The following STOX2 variants were observed in gnomAD, a reference collection of about 807,000 sequenced individuals.
The protein encoded by STOX2 is storkhead-box protein 2.
In STOX2, 28 loss-of-function variants were observed where a neutral mutation model predicts 60.9. The observed-to-expected ratio is 0.46, with a 90% CI of 0.34 to 0.63. The LOEUF is 0.63. STOX2 is among the 30% of genes least tolerant of loss of function. The pLI is 0.01. For synonymous variants in STOX2, 472 were observed against 463.9 expected (o/e 1.02, Z -0.22); for missense variants, 1,024 against 1,187.7 (o/e 0.86, Z 2.03).
chr4:183,920,672 C>A (rs757411699), intron 1 of STOX2, among the ~76,000 whole-genome samples: 4 of 152,150 alleles, frequency 2.6e-5, no homozygotes, highest in Non-Finnish European at 4.4e-5. Flanking sequence ...TGGTAAGGGG[C>A]AGGCTGGGGG....
chr4:183,908,717 C>T (rs891321724), intron 1 of STOX2, among the ~76,000 whole-genome samples: 1 of 151,336 alleles, frequency 6.6e-6, no homozygotes, highest in African/African-American at 2.4e-5. Context: ...GAGGAAGAAG[C>T]TTTTAATTGT....
intron 1 of STOX2, among the ~76,000 whole-genome samples, chr4:183,957,841 G>A (rs1286028800): frequency 1.3e-5 from 2 of 150,550 alleles, no homozygotes; most frequent in East Asian, 1.9e-4. Flanking sequence ...TCGTGAATAA[G>A]GCACCCTGGT....
chr4:183,951,108 C>T (rs571241490), intron 1 of STOX2, among the ~76,000 whole-genome samples: 34 of 149,912 alleles, frequency 2.3e-4, no homozygotes, highest in Middle Eastern at 3.4e-3. Context: ...CCCAGCTACT[C>T]GGGAGGCTGA....
At chr4:183,965,218 T>C (rs1033224698) in intron 1 of STOX2, among the ~76,000 whole-genome samples, 1 of 152,218 alleles carries the variant, frequency 6.6e-6, no homozygotes, top group African/African-American at 2.4e-5. Context: ...AGGTTCAGGA[T>C]ATTAGAACGA....
intron 1 of STOX2, among the ~76,000 whole-genome samples, chr4:183,937,129 T>C (rs1394008641): frequency 6.6e-6 from 1 of 152,228 alleles, no homozygotes; most frequent in Admixed American, 6.5e-5. Flanking sequence ...AAGCACTCTT[T>C]GGTGAGGTAC....
intron 1 of STOX2, among the ~76,000 whole-genome samples, chr4:183,971,671 G>GA (rs1361384276): frequency 6.6e-6 from 1 of 152,154 alleles, no homozygotes; most frequent in Non-Finnish European, 1.5e-5. Flanking sequence ...GAAGTGAAAT[G>GA]ATATTTTTTA....
chr4:183,942,882 A>G (rs1020389693), intron 1 of STOX2, among the ~76,000 whole-genome samples: 8 of 152,150 alleles, frequency 5.3e-5, no homozygotes, highest in African/African-American at 1.9e-4. Flanking sequence ...AGATGTTTTC[A>G]TTTTGTAAAG....
chr4:183,996,886 T>C (rs1181415372), intron 1 of STOX2, among the ~76,000 whole-genome samples: 2 of 152,232 alleles, frequency 1.3e-5, no homozygotes, highest in Non-Finnish European at 2.9e-5. Flanking sequence ...AACTTATTTG[T>C]TCTCTTTTTG....
At chr4:183,852,630 C>G (rs1160632547) in intron 1 of STOX2, among the ~76,000 whole-genome samples, 6 of 152,186 alleles carry the variant, frequency 3.9e-5, no homozygotes, top group Non-Finnish European at 1.5e-5. Flanking sequence ...GTTGAACGAT[C>G]TGACCACACC....
At chr4:183,819,964 T>C (rs977742582) in intron 1 of STOX2, among the ~76,000 whole-genome samples, 37 of 152,382 alleles carry the variant, frequency 2.4e-4, no homozygotes, top group African/African-American at 8.9e-4. Flanking sequence ...GCTTAGAGAA[T>C]GTGCATTATG....
chr4:183,948,562 T>TTTTTTTTA (rs58036708), intron 1 of STOX2, among the ~76,000 whole-genome samples: 3 of 140,406 alleles, frequency 2.1e-5, no homozygotes, highest in Non-Finnish European at 3.0e-5. Flanking sequence ...TTTTTTTTTT[T>TTTTTTTTA]GAGACAGAGT....
At chr4:184,014,821 A>G (rs1390146034) in intron 3 of STOX2, 1 of 152,164 alleles carries the variant, frequency 6.6e-6, no homozygotes, top group Non-Finnish European at 1.5e-5. Context: ...GGGATCTTAC[A>G]GTAGAGACAG....
chr4:183,985,596 G>C (rs1732808341), intron 1 of STOX2, among the ~76,000 whole-genome samples: 1 of 152,190 alleles, frequency 6.6e-6, no homozygotes, highest in Non-Finnish European at 1.5e-5. Context: ...AAACATGCAT[G>C]CTTGGATATT....
At chr4:183,954,118 G>T (rs1037903712) in intron 1 of STOX2, among the ~76,000 whole-genome samples, 24 of 152,032 alleles carry the variant, frequency 1.6e-4, no homozygotes, top group African/African-American at 5.6e-4. Flanking sequence ...TGTAATTAAT[G>T]CTTCTTTAAA....
intron 1 of STOX2, among the ~76,000 whole-genome samples, chr4:183,833,749 G>A (rs1036754736): frequency 8.8e-5 from 13 of 147,974 alleles, no homozygotes; most frequent in African/African-American, 2.7e-4. Flanking sequence ...TTGGGAGGCC[G>A]AGGCGGGCGG....
chr4:183,847,109 G>A (rs976735191), intron 1 of STOX2, among the ~76,000 whole-genome samples: 27 of 152,160 alleles, frequency 1.8e-4, no homozygotes, highest in Non-Finnish European at 3.7e-4. Flanking sequence ...TGTGTATTAG[G>A]TTATGCCTTC....
At chr4:183,897,639 A>G (rs531767701) in intron 1 of STOX2, among the ~76,000 whole-genome samples, 1 of 152,354 alleles carries the variant, frequency 6.6e-6, no homozygotes, top group East Asian at 1.9e-4. Flanking sequence ...AGAGCTTGAT[A>G]AAAGAGCCTC....
chr4:183,861,463 C>T (rs909014736), intron 1 of STOX2, among the ~76,000 whole-genome samples: 3 of 152,190 alleles, frequency 2.0e-5, no homozygotes, highest in Non-Finnish European at 4.4e-5. Flanking sequence ...CTGCGAGAGC[C>T]TCTAGGGAGA....
intron 1 of STOX2, among the ~76,000 whole-genome samples, chr4:183,934,216 T>C (rs1422385525): frequency 6.6e-6 from 1 of 152,112 alleles, no homozygotes; most frequent in Non-Finnish European, 1.5e-5. Context: ...GTTAGGAGTA[T>C]CGCTTGAACC....
Sources: gnomAD v4.1 joint callset for allele counts (sites outside exome capture counted in the v4.1 genomes callset) on GRCh38, gnomAD v4.1.1 for gene constraint, MANE v1.5 for transcripts, NCBI Gene and HGNC (gene_info 2026-07-23, HGNC 2026-07-21) for gene names.